Variants in GLIS1 observed in about 807,000 individuals in gnomAD.
The protein encoded by GLIS1 is GLIS family zinc finger 1, also known as zinc finger protein GLIS1.
A neutral mutation model predicts 63.8 loss-of-function variants in GLIS1; 24 were observed. That is an observed-to-expected ratio of 0.38 (90% CI 0.27 to 0.53). The LOEUF (loss-of-function observed/expected upper bound fraction) is 0.53, where lower values mean the gene tolerates loss of function less well. Among genes scored for constraint, GLIS1 ranks in the 20% least tolerant of loss-of-function variants. The probability of loss-of-function intolerance (pLI) is 0.85; values close to 1 mark genes in which losing one functional copy is unlikely to be tolerated. For synonymous variants in GLIS1, 450 were observed against 482.5 expected (o/e 0.93, Z 0.88); for missense variants, 1,036 against 1,074.1 (o/e 0.96, Z 0.50).
chr1:53,548,348 A>G (rs1644725539), intron 4 of GLIS1, among the ~76,000 whole-genome samples: 1 of 152,164 alleles, frequency 6.6e-6, no homozygotes, highest in Non-Finnish European at 1.5e-5. Flanking sequence ...AGGCTTTAGC[A>G]TGTTACTGCT....
At chr1:53,616,117 T>A (rs1645479971) in intron 2 of GLIS1, among the ~76,000 whole-genome samples, 1 of 152,144 alleles carries the variant, frequency 6.6e-6, no homozygotes, top group Non-Finnish European at 1.5e-5. Context: ...ATCCCACAAA[T>A]CTGTCATGAG....
At chr1:53,559,547 T>C (rs556531529) in intron 4 of GLIS1, among the ~76,000 whole-genome samples, 6 of 152,276 alleles carry the variant, frequency 3.9e-5, no homozygotes, top group African/African-American at 1.4e-4. Flanking sequence ...CTCCTGCTGA[T>C]GTCCAGCACT....
intron 4 of GLIS1, among the ~76,000 whole-genome samples, chr1:53,579,392 T>C (rs1645063167): frequency 6.6e-6 from 1 of 152,226 alleles, no homozygotes; most frequent in Non-Finnish European, 1.5e-5. Flanking sequence ...GCCAGGTGAA[T>C]CTAATTTACC....
chr1:53,723,001 T>C (rs55873284), intron 2 of GLIS1, among the ~76,000 whole-genome samples: 40,492 of 150,580 alleles, frequency 0.27, 5,793 homozygotes, highest in African/African-American at 0.38. Context: ...GGCATGGTGG[T>C]GCATGCCTGT....
chr1:53,693,669 G>C (rs1321189525), intron 2 of GLIS1, among the ~76,000 whole-genome samples: 3 of 152,176 alleles, frequency 2.0e-5, no homozygotes, highest in Non-Finnish European at 4.4e-5. Context: ...GGGTCGCCAA[G>C]GGTGTGGGCA....
intron 10 of GLIS1, among the ~76,000 whole-genome samples, chr1:53,508,753 T>C (rs909381563): frequency 1.3e-5 from 2 of 152,202 alleles, no homozygotes; most frequent in African/African-American, 4.8e-5. Context: ...GAGCAGGATT[T>C]GTTCATTCCC....
At chr1:53,631,746 C>T (rs530773170) in intron 2 of GLIS1, among the ~76,000 whole-genome samples, 14 of 151,354 alleles carry the variant, frequency 9.2e-5, no homozygotes, top group South Asian at 4.2e-4. Context: ...AGAAGTGTAA[C>T]GGGTAATGAC....
intron 2 of GLIS1, among the ~76,000 whole-genome samples, chr1:53,717,978 T>C (rs1165824770): frequency 6.6e-6 from 1 of 152,170 alleles, no homozygotes; most frequent in Non-Finnish European, 1.5e-5. Flanking sequence ...TCCAGAGAGA[T>C]GGCTCAGGTC....
At chr1:53,593,678 C>T (rs3013755) in intron 4 of GLIS1, among the ~76,000 whole-genome samples, 7,360 of 152,308 alleles carry the variant, frequency 0.048, 564 homozygotes, top group East Asian at 0.39. Context: ...CCCAGGGAAC[C>T]TCACTGGGAT....
intron 4 of GLIS1, among the ~76,000 whole-genome samples, chr1:53,536,325 G>GA (rs1372607949): frequency 1.3e-5 from 2 of 152,066 alleles, no homozygotes; most frequent in Non-Finnish European, 2.9e-5. Context: ...TAACAATCTT[G>GA]AAAAATGTAA....
At chr1:53,688,257 G>T (rs1646363353) in intron 2 of GLIS1, among the ~76,000 whole-genome samples, 1 of 152,248 alleles carries the variant, frequency 6.6e-6, no homozygotes, top group Non-Finnish European at 1.5e-5. Flanking sequence ...ATGCGAGTGT[G>T]GGCTCATGGG....
chr1:53,734,453 A>T (rs923641762), intron 2 of GLIS1, among the ~76,000 whole-genome samples: 1 of 152,234 alleles, frequency 6.6e-6, no homozygotes, highest in Non-Finnish European at 1.5e-5. Context: ...GCCAACACAC[A>T]CATGTAGAAG....
chr1:53,579,512 C>T (rs1343858357), intron 4 of GLIS1, among the ~76,000 whole-genome samples: 1 of 152,242 alleles, frequency 6.6e-6, no homozygotes. Flanking sequence ...ACAGATCTTC[C>T]TGGGTTCACA....
At chr1:53,690,203 G>T (rs1310276969) in intron 2 of GLIS1, among the ~76,000 whole-genome samples, 3 of 152,234 alleles carry the variant, frequency 2.0e-5, no homozygotes, top group Admixed American at 6.5e-5. Flanking sequence ...GATGGCATCA[G>T]GCCAGGGAGC....
intron 2 of GLIS1, among the ~76,000 whole-genome samples, chr1:53,609,369 G>C (rs750735827): frequency 7.2e-6 from 1 of 138,062 alleles, no homozygotes; most frequent in African/African-American, 2.6e-5. Context: ...CACCTCCTGG[G>C]TTCAAGCAAT....
chr1:53,520,661 A>G lies in GLIS1; in HGVS notation c.1699T>C (p.Cys567Arg). Residue 567 changes from cysteine (C) to arginine (R), a missense_variant, in exon 7 of 11, where the codon TGT becomes CGT. Physicochemically the swap from Cys to Arg is radical, Grantham distance 180. Transcript: ENST00000628545. ...GGGAGCAGCTCCTGGCCCAGGCCAC[A>G]GCCACCCTTGCCGTCGCTGGCAGCC... Reference protein sequence around the residue: ...QLAASDGKGGCGLGQELLPGV... With the variant: ...QLAASDGKGGRGLGQELLPGV... The G allele has an allele frequency of 1.9e-6, 3 of 1,610,906 alleles. No individual in the cohort carries two copies. Among genetic ancestry groups the G allele is most frequent in the South Asian group, 1.1e-5 (1 of 90,570 alleles).
intron 2 of GLIS1, among the ~76,000 whole-genome samples, chr1:53,651,873 C>CA (rs1218432150): frequency 0.031 from 2,834 of 91,234 alleles, 105 homozygotes; most frequent in African/African-American, 0.094. Context: ...GATCTTGTCT[C>CA]AAAAAAAAAA....
chr1:53,524,222 G>A (rs1036648835), intron 6 of GLIS1, among the ~76,000 whole-genome samples: 12 of 152,158 alleles, frequency 7.9e-5, no homozygotes, highest in Admixed American at 5.2e-4. Flanking sequence ...CAAGCCCCGC[G>A]GGCCCACTCC....
intron 2 of GLIS1, among the ~76,000 whole-genome samples, chr1:53,719,420 C>A (rs982493739): frequency 6.6e-6 from 1 of 152,226 alleles, no homozygotes; most frequent in Non-Finnish European, 1.5e-5. Flanking sequence ...TCTGTGGGCT[C>A]TTCCACCTCA....
Sources: gnomAD v4.1 joint callset for allele counts (sites outside exome capture counted in the v4.1 genomes callset) on GRCh38, gnomAD v4.1.1 for gene constraint, MANE v1.5 for transcripts, NCBI Gene and HGNC (gene_info 2026-07-23, HGNC 2026-07-21) for gene names.